GLDC: variants seen among roughly 807,000 people sequenced by gnomAD.
GLDC encodes glycine decarboxylase, also known as glycine dehydrogenase (decarboxylating), mitochondrial.
Under a neutral mutation model 121.3 loss-of-function variants are expected in GLDC, and 104 were observed. That is an observed-to-expected ratio of 0.86 (90% CI 0.73 to 1.01). GLDC has a LOEUF of 1.01. Ranked by LOEUF, GLDC falls within the 50% of genes least tolerant of loss-of-function variation. GLDC has a pLI of 0.00. For missense variants in GLDC, 1,429 were observed against 1,306.6 expected (o/e 1.09, Z -1.44); for synonymous variants, 546 against 480.6 (o/e 1.14, Z -1.78).
chr9:6,613,817 C>G (rs947981659), intron 3 of GLDC, among the ~76,000 whole-genome samples: 2 of 152,062 alleles, frequency 1.3e-5, no homozygotes, highest in African/African-American at 4.8e-5. Flanking sequence ...TGCTCTGTCA[C>G]CCAGGCTGGA....
chr9:6,593,288 A>T (rs894995994), intron 9 of GLDC, among the ~76,000 whole-genome samples: 14 of 140,020 alleles, frequency 1.0e-4, no homozygotes, highest in East Asian at 7.8e-4. Context: ...TATATATATA[A>T]AATTATACCT....
chr9:6,615,696 C>T (rs895525413), intron 3 of GLDC, among the ~76,000 whole-genome samples: 1 of 150,972 alleles, frequency 6.6e-6, no homozygotes, highest in Non-Finnish European at 1.5e-5. Context: ...CTGCAGTCTC[C>T]TCTTCCTGGG....
chr9:6,619,540 C>T (rs1349108160), intron 3 of GLDC, among the ~76,000 whole-genome samples: 1 of 152,074 alleles, frequency 6.6e-6, no homozygotes, highest in Admixed American at 6.6e-5. Flanking sequence ...CCAGCCTGGC[C>T]AACACGGTGA....
chr9:6,582,701 C>A (rs556260703), intron 15 of GLDC, among the ~76,000 whole-genome samples: 6 of 151,740 alleles, frequency 4.0e-5, no homozygotes. Flanking sequence ...TGGTGGCATG[C>A]GCCTGTAGTC....
chr9:6,623,583 C>T (rs1819166890), intron 2 of GLDC, among the ~76,000 whole-genome samples: 1 of 151,200 alleles, frequency 6.6e-6, no homozygotes, highest in South Asian at 2.1e-4. Context: ...CCAAATCCCC[C>T]TCTGAGAGAA....
At chr9:6,586,020 G>T (rs940097663) in intron 15 of GLDC, among the ~76,000 whole-genome samples, 1 of 152,100 alleles carries the variant, frequency 6.6e-6, no homozygotes, top group African/African-American at 2.4e-5. Context: ...TCTAGGCCAG[G>T]CGTGGTGGCT....
At chr9:6,629,990 A>G (rs1487241722) in intron 2 of GLDC, among the ~76,000 whole-genome samples, 1 of 75,356 alleles carries the variant, frequency 1.3e-5, no homozygotes, top group Non-Finnish European at 2.5e-5. Context: ...AGGTCTCACT[A>G]TGTTTCCCAG....
chr9:6,541,083 A>T (rs1817248608), intron 21 of GLDC: 1 of 152,080 alleles, frequency 6.6e-6, no homozygotes, highest in Non-Finnish European at 1.5e-5. Context: ...TAGGGGCAAG[A>T]CCCTGTCTCA....
At chr9:6,601,705 G>A (rs190807863) in intron 8 of GLDC, among the ~76,000 whole-genome samples, 2 of 152,142 alleles carry the variant, frequency 1.3e-5, no homozygotes, top group East Asian at 3.9e-4. Context: ...GCTCACTGCA[G>A]CCTCAACCTC....
chr9:6,551,710 C>T (rs1320975085), intron 20 of GLDC, among the ~76,000 whole-genome samples: 4 of 151,848 alleles, frequency 2.6e-5, no homozygotes, highest in South Asian at 2.1e-4. Context: ...AAGTAGAATT[C>T]GGATAGGGAA....
In GLDC at chr9:6,604,760, G is replaced by A. The variant is rs200413149; in HGVS notation, c.886C>T (p.Leu296Phe). 3 of 1,614,042 alleles carry A rather than the reference G, an allele frequency of 1.9e-6. No homozygotes were observed. The highest frequency in any genetic ancestry group is 2.5e-6 in the Non-Finnish European group (3 of 1,179,912). ...GGCCTCAAGATGCACAAAGCTAAAA[G>A]GTCAGTAGCACAGCAGGCCAGGCTC... Reference protein sequence around the residue: ...SGSLACCATDLLALCILRPPG... With the variant: ...SGSLACCATDFLALCILRPPG... The change falls in exon 7 of 25, where the codon CTT becomes TTT. Residue 296 changes from leucine to phenylalanine, a missense_variant. Leu to Phe is a conservative substitution (Grantham distance 22). Coordinates refer to ENST00000321612, the MANE Select transcript of GLDC (RefSeq NM_000170.3).
intron 2 of GLDC, among the ~76,000 whole-genome samples, chr9:6,632,875 G>A (rs1819416876): frequency 6.6e-6 from 1 of 152,106 alleles, no homozygotes. Flanking sequence ...TGGTGGGGTG[G>A]AGGACACTCA....
chr9:6,533,741 C>G (rs1292775468), intron 24 of GLDC, among the ~76,000 whole-genome samples: 1 of 151,668 alleles, frequency 6.6e-6, no homozygotes, highest in Non-Finnish European at 1.5e-5. Flanking sequence ...GCCTGTAATC[C>G]CAGTTACTTG....
intron 5 of GLDC, 129 bp downstream of exon 5, chr9:6,606,463 C>T (rs1818735609): frequency 1.4e-6 from 1 of 738,616 alleles, no homozygotes; most frequent in South Asian, 1.5e-5. Context: ...ACTCAGCAAC[C>T]CCAATTTAAA....
At chr9:6,539,645 A>G (rs148444481) in intron 22 of GLDC, among the ~76,000 whole-genome samples, 1 of 152,272 alleles carries the variant, frequency 6.6e-6, no homozygotes, top group East Asian at 1.9e-4. Flanking sequence ...TGTGAAAACT[A>G]CTACACTTAT....
intron 4 of GLDC, among the ~76,000 whole-genome samples, chr9:6,607,004 A>T (rs1818747668): frequency 6.6e-6 from 1 of 151,910 alleles, no homozygotes; most frequent in Non-Finnish European, 1.5e-5. Flanking sequence ...CCGAGGTTGC[A>T]GTGAGCCAAG....
At chr9:6,588,045 T>G (rs1818305277) in intron 14 of GLDC, among the ~76,000 whole-genome samples, 1 of 147,520 alleles carries the variant, frequency 6.8e-6, no homozygotes, top group Non-Finnish European at 1.5e-5. Context: ...CGGCTTAAGG[T>G]TCGTAATTCT....
intron 21 of GLDC, among the ~76,000 whole-genome samples, chr9:6,548,177 T>C (rs1457903317): frequency 6.6e-6 from 1 of 152,102 alleles, no homozygotes; most frequent in Non-Finnish European, 1.5e-5. Context: ...GGAGAAGAAA[T>C]ACAGAAAATA....
Position 6,620,298 on chromosome 9 carries a change from G to C in GLDC, c.356C>G (p.Thr119Ser). 6.2e-7 allele frequency: 1 copy of C among 1,613,534 alleles called. No individual in the cohort carries two copies. Among genetic ancestry groups the C allele is most frequent in the Non-Finnish European group, 8.5e-7 (1 of 1,179,420 alleles). Reference protein sequence around the residue: ...DPVCENEILATLHAISSKNQI... With the variant: ...DPVCENEILASLHAISSKNQI... ...GTTTTTGCTTGAAATGGCATGCAGA[G>C]TTGCAAGGATTTCATTTTCACCTAA... Residue 119 changes from threonine to serine, a missense_variant, in exon 3 of 25, where the codon ACT (threonine) becomes AGT (serine). Physicochemically the swap from Thr to Ser is moderately conservative, Grantham distance 58. Transcript: ENST00000321612.
Sources: allele counts gnomAD v4.1 joint callset (sites outside exome capture counted in the v4.1 genomes callset), GRCh38; gene constraint gnomAD v4.1.1; transcripts MANE v1.5; gene names NCBI Gene and HGNC (gene_info 2026-07-23, HGNC 2026-07-21).